AGO2: variants seen among roughly 807,000 people sequenced by gnomAD.
The protein encoded by AGO2 is argonaute RISC catalytic component 2.
AGO2 carries 5 observed loss-of-function variants against 102.3 expected under a neutral mutation model. The ratio of observed to expected loss-of-function variants is 0.05; its 90% CI spans 0.03 to 0.10. AGO2 has a LOEUF of 0.10. Among genes scored for constraint, AGO2 ranks in the 10% least tolerant of loss-of-function variants. The pLI is 1.00. For synonymous variants in AGO2, 449 were observed against 473.1 expected (o/e 0.95, Z 0.66); for missense variants, 541 against 1,183.7 (o/e 0.46, Z 7.97).
chr8:140,617,887 A>G lies in AGO2; in HGVS notation c.22+17598T>C, dbSNP rs530320903. ...AAAAAAGCCAGGTGTGGTGGCACAC[A>G]CCTGTAGTCCCAGCTACTCAAGAGG... On this transcript the variant is annotated intron_variant, in intron 1 of 18. Coordinates refer to ENST00000220592, the MANE Select transcript of AGO2 (RefSeq NM_012154.5). Among the ~76,000 whole-genome samples the G allele has an allele frequency of 3.3e-5, 5 of 151,932 alleles. No individual in the cohort carries two copies. The East Asian group carries it at 9.7e-4, about 29-fold the overall frequency.
chr8:140,522,726 G>GGGGAGAGAGA lies in AGO2; in HGVS notation c.*9317_*9318insTCTCTCTCCC, dbSNP rs1554696533. 1 of 120,988 alleles carries GGGGAGAGAGA rather than the reference G, an allele frequency of 8.3e-6. No individual in the cohort carries two copies. Among genetic ancestry groups the GGGGAGAGAGA allele is most frequent in the African/African-American group, 3.2e-5 (1 of 31,600 alleles). The allele number at this position is 120,988 out of a possible 1,614,324, so 7.5% of individuals were successfully genotyped here. ...AGAGGGAGGGGGAGGGGGGAGAGGG[G>GGGGAGAGAGA]GAGAGAGAGAGAGAGAGAGAGAGGT... On this transcript the variant is annotated 3_prime_UTR_variant, in exon 19 of 19. Transcript: ENST00000220592.
Position 140,551,296 on chromosome 8 carries a change from G to C in AGO2, c.1403+7C>G. 6.6e-7 allele frequency: 1 copy of C among 1,516,406 alleles called. No individual in the cohort carries two copies. The highest frequency in any genetic ancestry group is 1.3e-5 in the South Asian group (1 of 79,210). The allele number at this position is 1,516,406 out of a possible 1,614,324, so 93.9% of individuals were successfully genotyped here. A position where few individuals can be genotyped will look rare whatever the true frequency, so the allele number is the denominator to read the frequency against. On this transcript the variant is annotated splice_region_variant and intron_variant, in intron 11 of 18. Transcript: ENST00000220592. ...CAGGCCGGAGCCTCTGCCTGTGGGG[G>C]GCTTACTTCAGATGGACTTCCGTGC...
intron 16 of AGO2, among the ~76,000 whole-genome samples, chr8:140,538,518 C>T (rs1318052854): frequency 6.6e-6 from 1 of 152,250 alleles, no homozygotes; most frequent in Non-Finnish European, 1.5e-5. Context: ...CTCAGCTCTT[C>T]TATCTACAAC....
intron 3 of AGO2, among the ~76,000 whole-genome samples, chr8:140,564,545 G>C (rs1023836147): frequency 6.6e-6 from 1 of 152,204 alleles, no homozygotes; most frequent in Non-Finnish European, 1.5e-5. Flanking sequence ...TGAAGACAGA[G>C]GGGATCCTTT....
intron 11 of AGO2, among the ~76,000 whole-genome samples, chr8:140,550,052 GGAAGGGGCCAAGGACAAAA>G (rs1244745674): frequency 6.6e-6 from 1 of 152,216 alleles, no homozygotes; most frequent in African/African-American, 2.4e-5. Flanking sequence ...CCAAAGTGAA[GGAAGGGGCCAAGGACAAAA>G]GAAGGGGCAG....
chr8:140,546,254 G>A (rs996160154), intron 13 of AGO2, among the ~76,000 whole-genome samples: 17 of 152,120 alleles, frequency 1.1e-4, no homozygotes, highest in South Asian at 2.1e-4. Flanking sequence ...TTATTATCCC[G>A]CTCCCTGATG....
chr8:140,642,241 CTTTGTG>C, the AGO2 span, among the ~76,000 whole-genome samples: 1 of 152,116 alleles, frequency 6.6e-6, no homozygotes, highest in African/African-American at 2.4e-5. Flanking sequence ...TGACATCGTG[CTTTGTG>C]TTTGTGTTCC....
intron 1 of AGO2, among the ~76,000 whole-genome samples, chr8:140,627,931 C>T (rs2074296385): frequency 6.6e-6 from 1 of 152,196 alleles, no homozygotes; most frequent in African/African-American, 2.4e-5. Context: ...TGTCTCGGGG[C>T]TGTCCTCCAG....
chr8:140,598,341 C>T (rs1041971387), intron 1 of AGO2, among the ~76,000 whole-genome samples: 9 of 152,230 alleles, frequency 5.9e-5, no homozygotes, highest in African/African-American at 1.9e-4. Context: ...CAGACGTTTG[C>T]GTTCCGTTAC....
intron 2 of AGO2, among the ~76,000 whole-genome samples, chr8:140,582,245 A>G (rs911068737): frequency 6.6e-6 from 1 of 152,208 alleles, no homozygotes; most frequent in African/African-American, 2.4e-5. Context: ...TTCCTGGCCT[A>G]AAGACAACAC....
chr8:140,534,102 C>T (rs1003020333), intron 17 of AGO2, among the ~76,000 whole-genome samples: 5 of 152,174 alleles, frequency 3.3e-5, no homozygotes, highest in African/African-American at 1.2e-4. Flanking sequence ...GGCAGCGGAA[C>T]GTTCGTCCCT....
chr8:140,588,264 T>A (rs939414268), intron 1 of AGO2, among the ~76,000 whole-genome samples: 1 of 152,130 alleles, frequency 6.6e-6, no homozygotes, highest in Non-Finnish European at 1.5e-5. Context: ...AATCCTTTCA[T>A]TCAGGAATCC....
chr8:140,639,878 C>A (rs938322708), upstream of AGO2, among the ~76,000 whole-genome samples: 2 of 152,108 alleles, frequency 1.3e-5, no homozygotes, highest in African/African-American at 2.4e-5. Context: ...GGTGGAGGGG[C>A]CTGGATGTGG....
chr8:140,630,399 G>A (rs75730642), intron 1 of AGO2, among the ~76,000 whole-genome samples: 2,679 of 152,332 alleles, frequency 0.018, 82 homozygotes, highest in African/African-American at 0.059. Flanking sequence ...CAGAAACTGG[G>A]AGGGCCTGGC....
chr8:140,604,835 A>T (rs1235351038), intron 1 of AGO2, among the ~76,000 whole-genome samples: 10 of 152,136 alleles, frequency 6.6e-5, no homozygotes, highest in Non-Finnish European at 1.0e-4. Flanking sequence ...TCAAAAAAAA[A>T]AAAGGCATTT....
At position 140,544,151 on chromosome 8, in the gene AGO2, G is replaced by A. The variant is rs2072849681; in HGVS notation, c.1839+62C>T. The A allele has an allele frequency of 4.0e-6, 6 of 1,484,836 alleles. No homozygotes were observed. The South Asian group carries it at 6.9e-5, about 17-fold the overall frequency. 92.0% of individuals were successfully genotyped at this position (1,484,836 alleles called of 1,614,324 possible). A position where few individuals can be genotyped will look rare whatever the true frequency, so the allele number is the denominator to read the frequency against. ...GACCCCTGGCCACGCTGTGACAGTG[G>A]GACTTCGACAGCGTCCTGCATGTTG... is the stretch of plus-strand genomic sequence containing the variant. On this transcript the variant is annotated intron_variant, in intron 14 of 18. Coordinates refer to ENST00000220592, the MANE Select transcript of AGO2 (RefSeq NM_012154.5).
chr8:140,567,097 C>T lies in AGO2; in HGVS notation c.337-4463G>A, dbSNP rs1320085950. 5.9e-5 allele frequency among the ~76,000 whole-genome samples: 9 copies of T among 152,344 alleles called. No homozygotes were observed. In the South Asian group the frequency reaches 8.3e-4, roughly 14 times the overall value. ...TTTCAAAAACCTCTGTAGTCAACAC[C>T]GAGGGGCAATGGCAAGGGGTCTATT... On this transcript the variant is annotated intron_variant, in intron 3 of 18. Transcript: ENST00000220592. This position sits in a 1 kb window ranked among gnomAD's most constrained non-coding sequence, Gnocchi z 5.0.
intron 8 of AGO2, 89 bp downstream of exon 8, chr8:140,557,000 G>A (rs2073107843): frequency 1.3e-6 from 2 of 1,502,904 alleles, no homozygotes; most frequent in East Asian, 2.3e-5. Flanking sequence ...ATCTGACTGG[G>A]GCCTCGGCGG....
rs567955121 is a variant in AGO2 at position 140,549,095 on chromosome 8, C to T, written c.1588+19G>A. 5 of 1,576,228 alleles carry T rather than the reference C, an allele frequency of 3.2e-6. No individual in the cohort carries two copies. The highest frequency in any genetic ancestry group is 1.3e-5 in the African/African-American group (1 of 74,232). ...GACCACGACGGCTCCCCACAGCCAG[C>T]GGGAGCGCCCACACCTACCGTACAC... On this transcript the variant is annotated intron_variant, in intron 12 of 18. Transcript: ENST00000220592.
Sources: gnomAD v4.1 joint callset for allele counts (sites outside exome capture counted in the v4.1 genomes callset) on GRCh38, gnomAD v4.1.1 for gene constraint, Gnocchi (gnomAD v3.1) non-coding constraint, MANE v1.5 for transcripts, NCBI Gene and HGNC (gene_info 2026-07-23, HGNC 2026-07-21) for gene names.